SLC17A1: variants seen among roughly 807,000 people sequenced by gnomAD.
The protein encoded by SLC17A1 is solute carrier family 17 member 1.
A neutral mutation model predicts 53.5 loss-of-function variants in SLC17A1; 51 were observed. That is an observed-to-expected ratio of 0.95 (90% CI 0.76 to 1.20). The LOEUF (loss-of-function observed/expected upper bound fraction) is 1.20. SLC17A1 is among the 50% of genes most tolerant of loss of function. The pLI is 0.00. For missense variants in SLC17A1, 538 were observed against 568.2 expected (o/e 0.95, Z 0.54); for synonymous variants, 179 against 198.8 (o/e 0.90, Z 0.84).
chr6:25,824,694 A>G (rs574797828), intron 3 of SLC17A1, among the ~76,000 whole-genome samples: 3 of 151,890 alleles, frequency 2.0e-5, no homozygotes, highest in Non-Finnish European at 4.4e-5. Flanking sequence ...TTTTTCAGGT[A>G]TAAATGATAT....
intron 12 of SLC17A1, among the ~76,000 whole-genome samples, chr6:25,789,600 C>T (rs1290138268): frequency 2.0e-5 from 3 of 152,058 alleles, no homozygotes; most frequent in Admixed American, 6.5e-5. Flanking sequence ...GGTATAATGA[C>T]CTGAGAAGAA....
the SLC17A1 span, chr6:25,732,657 A>C: frequency 2.3e-6 from 3 of 1,328,076 alleles, no homozygotes; most frequent in Admixed American, 1.8e-5. Flanking sequence ...AACAAGAAGA[A>C]GACCCGCATC....
At chr6:25,822,273 T>C (rs1171285743) in intron 3 of SLC17A1, among the ~76,000 whole-genome samples, 1 of 152,190 alleles carries the variant, frequency 6.6e-6, no homozygotes, top group Non-Finnish European at 1.5e-5. Flanking sequence ...TCATATTCCT[T>C]TCCTGTCAAT....
the SLC17A1 span, among the ~76,000 whole-genome samples, chr6:25,747,858 C>T: frequency 6.6e-6 from 1 of 152,126 alleles, no homozygotes; most frequent in African/African-American, 2.4e-5. Context: ...GCTGTTTAAG[C>T]CATCCAGTCT....
At chr6:25,822,867 C>CTA (rs1221997626) in intron 3 of SLC17A1, among the ~76,000 whole-genome samples, 1 of 151,906 alleles carries the variant, frequency 6.6e-6, no homozygotes, top group Non-Finnish European at 1.5e-5. Context: ...TAAACTGTAT[C>CTA]TATATATATA....
chr6:25,819,754 C>G lies in SLC17A1; in HGVS notation c.369G>C (p.Leu123=). 1 of 1,614,186 alleles carries G rather than the reference C, an allele frequency of 6.2e-7. No individual in the cohort carries two copies. Among genetic ancestry groups the G allele is most frequent in the Non-Finnish European group, 8.5e-7 (1 of 1,180,022 alleles). Residue 123 remains leucine (L), a synonymous_variant, in exon 4 of 13, where the codon CTG becomes CTC. Transcript: ENST00000244527. ...FALCLSSVLS[L]LIPPAAGIGV... Reference sequence around the variant, plus strand: ...CAATTCCAGCTGCTGGTGGGATGAGCAGGCTTAACACAGAGCTGAGGCATA... The same window carrying G: ...CAATTCCAGCTGCTGGTGGGATGAGGAGGCTTAACACAGAGCTGAGGCATA...
chr6:25,799,701 G>T (rs3799350), intron 11 of SLC17A1, among the ~76,000 whole-genome samples: 42,313 of 152,042 alleles, frequency 0.28, 6,388 homozygotes, highest in African/African-American at 0.4. Flanking sequence ...GACAATTTTG[G>T]ACAGTTCTGG....
chr6:25,759,784 C>T, the SLC17A1 span, among the ~76,000 whole-genome samples: 2 of 152,192 alleles, frequency 1.3e-5, no homozygotes, highest in Non-Finnish European at 2.9e-5. Context: ...AGGTGAATCT[C>T]TTGAAGACTA....
the SLC17A1 span, chr6:25,727,270 C>CT: frequency 6.2e-7 from 1 of 1,607,066 alleles, no homozygotes; most frequent in Non-Finnish European, 8.5e-7. Context: ...AAGGCTGTCA[C>CT]TAAGTACACC....
At position 25,812,584 on chromosome 6, in the gene SLC17A1, T is replaced by C. The variant is rs147514987; in HGVS notation, c.897+247A>G. On this transcript the variant is annotated intron_variant, in intron 8 of 12. Coordinates refer to ENST00000244527, the MANE Select transcript of SLC17A1 (RefSeq NM_005074.5). ...AGGGAGTCACATAGTCAATGGGAGA[T>C]GGCAAATGTGCGGAAATATAGATGC... Among the ~76,000 whole-genome samples the C allele has an allele frequency of 4.1e-4, 63 of 152,286 alleles. No individual in the cohort carries two copies. The South Asian group carries it at 0.012, about 28-fold the overall frequency.
chr6:25,762,421 A>G, the SLC17A1 span, among the ~76,000 whole-genome samples: 28 of 152,204 alleles, frequency 1.8e-4, no homozygotes, highest in South Asian at 5.0e-3. Flanking sequence ...CTGACCCCGA[A>G]CCCCAAAATG....
Position 25,830,592 on chromosome 6 carries a change from G to T in SLC17A1, c.-35C>A. On this transcript the variant is annotated 5_prime_UTR_variant, in exon 2 of 13. Transcript: ENST00000244527. Reference sequence around the variant, plus strand: ...AAGTTGCTTCTCTTCTTGCTGAAGGGTTTTGCCTCCACCCACTGTGAGTGC... The same window carrying T: ...AAGTTGCTTCTCTTCTTGCTGAAGGTTTTTGCCTCCACCCACTGTGAGTGC... 5 of 1,613,274 alleles carry T rather than the reference G, an allele frequency of 3.1e-6. No individual in the cohort carries two copies. The highest frequency in any genetic ancestry group is 3.4e-6 in the Non-Finnish European group (4 of 1,179,514).
chr6:25,754,389 G>A, the SLC17A1 span, among the ~76,000 whole-genome samples: 3 of 152,110 alleles, frequency 2.0e-5, no homozygotes, highest in East Asian at 1.9e-4. Flanking sequence ...TGGTGGAAAA[G>A]GGACTCAAAA....
intron 8 of SLC17A1, 119 bp from the exon 9 acceptor site, chr6:25,811,889 C>G: frequency 9.8e-7 from 1 of 1,023,990 alleles, no homozygotes; most frequent in Admixed American, 2.2e-5. Context: ...AGGAAATCAT[C>G]AACATACAAC....
chr6:25,813,056 A>C (rs1265577163), intron 7 of SLC17A1, 39 bp downstream of exon 7: 3 of 1,610,852 alleles, frequency 1.9e-6, no homozygotes, highest in Non-Finnish European at 2.5e-6. Context: ...AGTTTGGAGT[A>C]GAATCTGGGA....
At chr6:25,770,226 CT>C in the SLC17A1 span, 1 of 1,614,138 alleles carries the variant, frequency 6.2e-7, no homozygotes. Flanking sequence ...ATTCCTGACC[CT>C]CTTCATTCCA....
At chr6:25,726,543 T>G in the SLC17A1 span, 5 of 1,598,262 alleles carry the variant, frequency 3.1e-6, no homozygotes, top group Admixed American at 1.7e-5. Context: ...CGCATCAAAT[T>G]GCAGCAACAC....
the SLC17A1 span, chr6:25,732,594 G>T: frequency 1.2e-5 from 11 of 949,686 alleles, no homozygotes; most frequent in African/African-American, 3.3e-5. Flanking sequence ...CCTGCCGGCG[G>T]TTCTGGAGTA....
the SLC17A1 span, chr6:25,732,965 G>T: frequency 4.5e-6 from 1 of 222,566 alleles, no homozygotes; most frequent in Non-Finnish European, 9.0e-6. Flanking sequence ...GAAAGAGCTA[G>T]TTTACAAAAG....
Sources: gnomAD v4.1 joint callset for allele counts (sites outside exome capture counted in the v4.1 genomes callset) on GRCh38, gnomAD v4.1.1 for gene constraint, MANE v1.5 for transcripts, NCBI Gene and HGNC (gene_info 2026-07-23, HGNC 2026-07-21) for gene names.